Variants in NWD2 observed in about 807,000 individuals in gnomAD.
The protein encoded by NWD2 is NACHT and WD repeat domain containing 2, also known as NACHT and WD repeat domain-containing protein 2.
In NWD2, 37 loss-of-function variants were observed where a neutral mutation model predicts 132.7. The observed-to-expected ratio is 0.28, with a 90% CI of 0.21 to 0.37. NWD2 has a LOEUF of 0.37. Among genes scored for constraint, NWD2 ranks in the 10% least tolerant of loss-of-function variants. The pLI is 1.00. For missense variants in NWD2, 1,592 were observed against 2,122.4 expected (o/e 0.75, Z 4.91); for synonymous variants, 705 against 803.0 (o/e 0.88, Z 2.06).
intron 1 of NWD2, among the ~76,000 whole-genome samples, chr4:37,308,269 T>G (rs927386182): frequency 6.6e-6 from 1 of 152,234 alleles, no homozygotes; most frequent in Non-Finnish European, 1.5e-5. Flanking sequence ...AAAGACTTTT[T>G]CTGGCAGATG....
Position 37,446,327 on chromosome 4 carries a change from G to A in NWD2, c.4339G>A (p.Ala1447Thr), listed in dbSNP as rs367809893. 3.9e-5 allele frequency: 61 copies of A among 1,551,720 alleles called. No homozygotes were observed. The highest frequency in any genetic ancestry group is 4.9e-5 in the East Asian group (2 of 40,924). ...TTTGCAGAATGCCTTTATTACCTCC[G>A]CAAATACCTTCGTGGTGGGAATGAC... is the stretch of plus-strand genomic sequence containing the variant. ...TTLQNAFITS[A>T]NTFVVGMTKS... Residue 1447 changes from alanine to threonine, a missense_variant, in exon 7 of 7, where the codon GCA becomes ACA. Ala to Thr is a moderately conservative substitution (Grantham distance 58). Coordinates refer to ENST00000309447, the MANE Select transcript of NWD2 (RefSeq NM_001144990.2). The surrounding 1 kb of genome is among the most constrained non-coding windows in gnomAD (Gnocchi z 6.7).
At position 37,446,027 on chromosome 4, in the gene NWD2, A is replaced by G. The variant is rs1712626195; in HGVS notation, c.4039A>G (p.Ser1347Gly). The change falls in exon 7 of 7, where the codon AGT (serine) becomes GGT (glycine). Residue 1347 changes from serine (S) to glycine (G), a missense_variant. This residue lies in a region of NWD2 where 1,071 missense variants were observed against 1,398.0 expected (regional missense o/e 0.77). Coordinates refer to ENST00000309447, the MANE Select transcript of NWD2 (RefSeq NM_001144990.2). The surrounding 1 kb of genome is among the most constrained non-coding windows in gnomAD (Gnocchi z 6.7). ...SDCVHKWNFS[S>G]GFIEAVFKHE... Reference sequence around the variant, plus strand: ...TTGTGTTCATAAGTGGAACTTCAGCAGTGGCTTCATCGAAGCAGTATTCAA... The same window carrying G: ...TTGTGTTCATAAGTGGAACTTCAGCGGTGGCTTCATCGAAGCAGTATTCAA... The G allele has an allele frequency of 6.4e-7, 1 of 1,551,662 alleles. No individual in the cohort carries two copies. The highest frequency in any genetic ancestry group is 1.4e-5 in the African/African-American group (1 of 73,064).
chr4:37,316,792 CTGTT>C (rs1436821480), intron 1 of NWD2, among the ~76,000 whole-genome samples: 32 of 152,108 alleles, frequency 2.1e-4, no homozygotes, highest in African/African-American at 7.7e-4. Flanking sequence ...TCACATTTTT[CTGTT>C]TATTTATCCC....
chr4:37,258,207 G>A (rs1037879685), intron 1 of NWD2, among the ~76,000 whole-genome samples: 1 of 152,234 alleles, frequency 6.6e-6, no homozygotes, highest in Non-Finnish European at 1.5e-5. Context: ...TATTCTCTAG[G>A]AAGGATTTTG....
chr4:37,425,076 T>C (rs1711955632), intron 3 of NWD2, among the ~76,000 whole-genome samples: 1 of 152,236 alleles, frequency 6.6e-6, no homozygotes, highest in Non-Finnish European at 1.5e-5. Context: ...AAATGAGATT[T>C]TAAAAAGTAG....
At chr4:37,420,090 G>T (rs1238918921) in intron 3 of NWD2, among the ~76,000 whole-genome samples, 1 of 152,090 alleles carries the variant, frequency 6.6e-6, no homozygotes, top group Non-Finnish European at 1.5e-5. Flanking sequence ...GCTTTCATTT[G>T]CAGTTCTACA....
intron 4 of NWD2, among the ~76,000 whole-genome samples, chr4:37,431,980 G>A (rs1018956799): frequency 3.7e-5 from 3 of 80,420 alleles, no homozygotes; most frequent in African/African-American, 1.3e-4. Context: ...ATTGGTTAAA[G>A]TTCCATTAAT....
At chr4:37,358,686 C>T (rs1023718429) in intron 3 of NWD2, among the ~76,000 whole-genome samples, 5 of 152,052 alleles carry the variant, frequency 3.3e-5, no homozygotes, top group South Asian at 2.1e-4. Context: ...TCTACCTCAT[C>T]GGGTCATTCT....
At chr4:37,283,302 G>C (rs1221602039) in intron 1 of NWD2, among the ~76,000 whole-genome samples, 1 of 152,188 alleles carries the variant, frequency 6.6e-6, no homozygotes, top group African/African-American at 2.4e-5. Flanking sequence ...AAATTACCCT[G>C]AGGACCATCC....
chr4:37,357,270 G>A (rs1719888195), intron 3 of NWD2, among the ~76,000 whole-genome samples: 1 of 151,904 alleles, frequency 6.6e-6, no homozygotes, highest in African/African-American at 2.4e-5. Context: ...TTACCAGTGA[G>A]TGCTATGAAA....
In NWD2 at chr4:37,447,112, T is replaced by C; in HGVS notation, c.5124T>C (p.Ser1708=). 6.4e-7 allele frequency: 1 copy of C among 1,551,532 alleles called. No individual in the cohort carries two copies. Among genetic ancestry groups the C allele is most frequent in the Non-Finnish European group, 8.7e-7 (1 of 1,146,954 alleles). ...ARDSPITVSD[S]TESNEATPSK... ...ACAGCCCCATCACAGTTAGTGACTC[T>C]ACTGAGTCCAATGAAGCAACACCCT... The change falls in exon 7 of 7, where the codon TCT becomes TCC. Residue 1708 remains serine (S), a synonymous_variant. Transcript: ENST00000309447.
At chr4:37,400,024 G>A (rs1184430779) in intron 3 of NWD2, among the ~76,000 whole-genome samples, 1 of 152,158 alleles carries the variant, frequency 6.6e-6, no homozygotes, top group Non-Finnish European at 1.5e-5. Flanking sequence ...TAAGTAGCAG[G>A]TAACTGGAGT....
intron 1 of NWD2, among the ~76,000 whole-genome samples, chr4:37,247,001 C>T (rs1553888779): frequency 6.6e-6 from 1 of 152,104 alleles, no homozygotes; most frequent in Non-Finnish European, 1.5e-5. Flanking sequence ...CTAGTTTCTT[C>T]GAATAAAAGC....
intron 1 of NWD2, among the ~76,000 whole-genome samples, chr4:37,246,492 C>G (rs1054851083): frequency 4.6e-5 from 7 of 151,970 alleles, no homozygotes; most frequent in African/African-American, 1.7e-4. Flanking sequence ...AGTTCACTTT[C>G]AAAGAACTTA....
At chr4:37,416,633 T>A (rs1711607581) in intron 3 of NWD2, among the ~76,000 whole-genome samples, 1 of 152,162 alleles carries the variant, frequency 6.6e-6, no homozygotes, top group South Asian at 2.1e-4. Flanking sequence ...AGACATTATA[T>A]GAAAAAGATA....
At chr4:37,304,548 G>T (rs1473400580) in intron 1 of NWD2, among the ~76,000 whole-genome samples, 1 of 146,932 alleles carries the variant, frequency 6.8e-6, no homozygotes, top group Non-Finnish European at 1.5e-5. Context: ...TCACTTCTGG[G>T]ATACAGTGGG....
At chr4:37,278,046 G>C (rs1262312480) in intron 1 of NWD2, among the ~76,000 whole-genome samples, 1 of 152,098 alleles carries the variant, frequency 6.6e-6, no homozygotes, top group Admixed American at 6.6e-5. Flanking sequence ...TCATATGTCT[G>C]TGTAGTTTGG....
At chr4:37,426,413 G>T (rs145135324) in intron 3 of NWD2, among the ~76,000 whole-genome samples, 157 of 152,224 alleles carry the variant, frequency 1.0e-3, no homozygotes, top group African/African-American at 3.3e-3. Flanking sequence ...TATATAGTAG[G>T]CACTCAATAT....
In NWD2 at chr4:37,359,004, A is replaced by G. The variant is rs182618562; in HGVS notation, c.357+2522A>G. On this transcript the variant is annotated intron_variant, in intron 3 of 6. Coordinates refer to ENST00000309447, the MANE Select transcript of NWD2 (RefSeq NM_001144990.2). ...CTATGGGAGTGTCCTGGGAAACCTCAATTACTGTGATCTCCACAGCTTTAC... is the reference window on the plus strand; with the variant it reads ...CTATGGGAGTGTCCTGGGAAACCTCGATTACTGTGATCTCCACAGCTTTAC... 2.0e-3 allele frequency among the ~76,000 whole-genome samples: 306 copies of G among 152,198 alleles called. 1 individual carries two copies. Among genetic ancestry groups the G allele is most frequent in the African/African-American group, 7.1e-3 (294 of 41,526 alleles).
Sources: gnomAD v4.1 joint callset for allele counts (sites outside exome capture counted in the v4.1 genomes callset) on GRCh38, gnomAD v4.1.1 for gene constraint, gnomAD v4.1.1 regional missense constraint, Gnocchi (gnomAD v3.1) non-coding constraint, MANE v1.5 for transcripts, NCBI Gene and HGNC (gene_info 2026-07-23, HGNC 2026-07-21) for gene names.